The following ODR4 variants were observed in gnomAD, a reference collection of about 807,000 sequenced individuals.
ODR4 encodes the protein odr-4 GPCR localization factor homolog, also known as protein odr-4 homolog.
In ODR4, 47 loss-of-function variants were observed where a neutral mutation model predicts 60.2. That is an observed-to-expected ratio of 0.78 (90% CI 0.62 to 1.00). The LOEUF (loss-of-function observed/expected upper bound fraction) is 1.00, where lower values mean the gene tolerates loss of function less well. ODR4 is among the 50% of genes least tolerant of loss of function. ODR4 has a pLI of 0.00. For missense variants in ODR4, 488 were observed against 530.8 expected, an observed-to-expected ratio of 0.92 and a Z score of 0.79; for synonymous variants, 178 against 175.5, an observed-to-expected ratio of 1.01 and a Z score of -0.11.
chr1:186,397,009 C>T (rs191623269), intron 9 of ODR4, among the ~76,000 whole-genome samples: 2 of 152,208 alleles, frequency 1.3e-5, no homozygotes, highest in East Asian at 3.9e-4. Flanking sequence ...GTATCAGCAT[C>T]GTCACACTGC....
At chr1:186,409,795 C>T (rs552747792) in intron 12 of ODR4, among the ~76,000 whole-genome samples, 5 of 152,300 alleles carry the variant, frequency 3.3e-5, no homozygotes, top group African/African-American at 1.2e-4. Context: ...CCGCCTGCCT[C>T]AGCCTCCCAA....
chr1:186,415,408 A>G (rs1194866304), intron 12 of ODR4, among the ~76,000 whole-genome samples: 4 of 152,176 alleles, frequency 2.6e-5, no homozygotes, highest in Non-Finnish European at 5.9e-5. Flanking sequence ...AGGCTATTTT[A>G]CTTTAAATTT....
chr1:186,418,011 A>G (rs541176820), intron 13 of ODR4, among the ~76,000 whole-genome samples: 1 of 152,322 alleles, frequency 6.6e-6, no homozygotes, highest in South Asian at 2.1e-4. Flanking sequence ...AACAACGTTA[A>G]ATTCAAGTCA....
chr1:186,430,413 T>C, the ODR4 span, among the ~76,000 whole-genome samples: 3 of 152,088 alleles, frequency 2.0e-5, no homozygotes, highest in Non-Finnish European at 4.4e-5. Context: ...AGATTTTTTG[T>C]TTACAGAATG....
intron 12 of ODR4, among the ~76,000 whole-genome samples, chr1:186,413,487 T>A (rs560159911): frequency 1.8e-4 from 28 of 152,202 alleles, no homozygotes; most frequent in African/African-American, 6.7e-4. Flanking sequence ...TCGCTTGAGG[T>A]GAGGGATAAC....
intron 12 of ODR4, among the ~76,000 whole-genome samples, chr1:186,412,319 T>C (rs1661408209): frequency 6.6e-6 from 1 of 152,176 alleles, no homozygotes; most frequent in Non-Finnish European, 1.5e-5. Flanking sequence ...TCAGAACTCT[T>C]AGCAGAGGCA....
intron 11 of ODR4, among the ~76,000 whole-genome samples, chr1:186,402,566 A>ATT (rs1002819900): frequency 3.5e-5 from 5 of 142,142 alleles, no homozygotes; most frequent in African/African-American, 1.3e-4. Context: ...CGCCTGGCTA[A>ATT]TTTTTTTTTT....
At chr1:186,377,167 T>G (rs1327668613) in intron 1 of ODR4, among the ~76,000 whole-genome samples, 1 of 152,166 alleles carries the variant, frequency 6.6e-6, no homozygotes, top group African/African-American at 2.4e-5. Context: ...AATGCTATAG[T>G]TGTTATATTA....
intron 6 of ODR4, among the ~76,000 whole-genome samples, chr1:186,390,145 C>G (rs1660407445): frequency 6.6e-6 from 1 of 151,742 alleles, no homozygotes; most frequent in South Asian, 2.1e-4. Flanking sequence ...TGTTAATCTC[C>G]TCCTACCTTG....
In ODR4 at chr1:186,399,041, A is replaced by C. The variant is rs1228817021; in HGVS notation, c.997A>C (p.Lys333Gln). ...GCTTTTGAATGAAATTCCAGAAAAA[A>C]AAGTTATGAGTATAAAATAAGTACT... ...DLLLNEIPEK[K>Q]DSEKEFHVLP... Residue 333 changes from lysine (K) to glutamine (Q), a missense_variant, in exon 11 of 14, where the codon AAA becomes CAA. Transcript: ENST00000287859. 6.2e-7 allele frequency: 1 copy of C among 1,605,016 alleles called. No individual in the cohort carries two copies. The highest frequency in any genetic ancestry group is 8.5e-7 in the Non-Finnish European group (1 of 1,173,792).
chr1:186,406,383 A>G (rs956265892), intron 12 of ODR4, 115 bp downstream of exon 12: 1 of 658,510 alleles, frequency 1.5e-6, no homozygotes, highest in Non-Finnish European at 2.4e-6. Flanking sequence ...GTTCTGTTTG[A>G]CACTTCGAAA....
At chr1:186,390,150 A>G (rs905040015) in intron 6 of ODR4, among the ~76,000 whole-genome samples, 2 of 151,942 alleles carry the variant, frequency 1.3e-5, no homozygotes, top group African/African-American at 4.8e-5. Context: ...ATCTCCTCCT[A>G]CCTTGTTTGT....
chr1:186,411,500 T>C (rs1361853474), intron 12 of ODR4, among the ~76,000 whole-genome samples: 3 of 152,068 alleles, frequency 2.0e-5, no homozygotes, highest in Non-Finnish European at 4.4e-5. Flanking sequence ...TTGTCAGATA[T>C]AAATGCTATT....
Position 186,398,945 on chromosome 1 carries a change from T to C in ODR4, c.910-9T>C. ...TCTTACTGTGTTTTTTGTGTGTTTT[T>C]CCCTGTAGGCAGTAAAGAGGGATAT... On this transcript the variant is annotated splice_polypyrimidine_tract_variant and intron_variant, in intron 10 of 13. Transcript: ENST00000287859. 1 of 1,584,618 alleles carries C rather than the reference T, an allele frequency of 6.3e-7. No homozygotes were observed. The highest frequency in any genetic ancestry group is 8.6e-7 in the Non-Finnish European group (1 of 1,163,852).
At chr1:186,422,906 C>T (rs1398107604), downstream of ODR4, among the ~76,000 whole-genome samples, 3 of 151,994 alleles carry the variant, frequency 2.0e-5, no homozygotes, top group South Asian at 2.1e-4. Context: ...AACAGTAAAA[C>T]GCATAATTGA....
intron 1 of ODR4, among the ~76,000 whole-genome samples, chr1:186,379,001 C>T (rs1314266752): frequency 6.6e-6 from 1 of 152,176 alleles, no homozygotes; most frequent in African/African-American, 2.4e-5. Flanking sequence ...ATAGTTCTTT[C>T]ATATATGCTT....
At chr1:186,385,097 A>G (rs1159759558) in intron 3 of ODR4, among the ~76,000 whole-genome samples, 4 of 152,036 alleles carry the variant, frequency 2.6e-5, no homozygotes, top group Admixed American at 2.6e-4. Flanking sequence ...TAAACCAGTT[A>G]TCCACCTCAA....
chr1:186,381,369 C>G (rs1046351249), intron 2 of ODR4, among the ~76,000 whole-genome samples: 3 of 151,472 alleles, frequency 2.0e-5, no homozygotes, highest in Non-Finnish European at 4.4e-5. Flanking sequence ...CGCTGTCGCC[C>G]AGGCTGGAGT....
intron 11 of ODR4, among the ~76,000 whole-genome samples, chr1:186,405,290 T>C (rs764449421): frequency 6.6e-6 from 1 of 152,140 alleles, no homozygotes; most frequent in Non-Finnish European, 1.5e-5. Context: ...ATGAAATTCA[T>C]GGGGAGATTA....
Sources: gnomAD v4.1 joint callset for allele counts (sites outside exome capture counted in the v4.1 genomes callset) on GRCh38, gnomAD v4.1.1 for gene constraint, MANE v1.5 for transcripts, NCBI Gene and HGNC (gene_info 2026-07-23, HGNC 2026-07-21) for gene names.